Variants in FCGR2B observed in about 807,000 individuals in gnomAD.
FCGR2B encodes the protein Fc gamma receptor IIb, also known as low affinity immunoglobulin gamma Fc region receptor II-b.
In FCGR2B, 18 loss-of-function variants were observed where a neutral mutation model predicts 24.8. That is an observed-to-expected ratio of 0.73 (90% CI 0.50 to 1.08). The LOEUF is 1.08. Ranked by LOEUF, FCGR2B falls within the 50% of genes least tolerant of loss-of-function variation. The pLI is 0.00. For missense variants in FCGR2B, 215 were observed against 297.6 expected (o/e 0.72, Z 2.04); for synonymous variants, 79 against 109.8 (o/e 0.72, Z 1.75).
intron 3 of FCGR2B, 112 bp downstream of exon 3, chr1:161,671,761 C>T: frequency 1.3e-6 from 2 of 1,561,438 alleles, no homozygotes; most frequent in South Asian, 2.4e-5. Flanking sequence ...GGAAGTATCG[C>T]TGTGAGTTGC....
intron 7 of FCGR2B, 21 bp from the exon 8 acceptor site, chr1:161,677,455 G>A (rs2102683040): frequency 2.5e-6 from 4 of 1,612,512 alleles, no homozygotes; most frequent in Non-Finnish European, 3.4e-6. Context: ...GATCCTTACT[G>A]CTGGTTTCTG....
intron 6 of FCGR2B, chr1:161,676,046 A>T (rs1682099738): frequency 4.3e-6 from 1 of 231,560 alleles, no homozygotes; most frequent in Non-Finnish European, 8.5e-6. Flanking sequence ...TAGATTTGAC[A>T]TTCTGAGAAC....
At chr1:161,674,250 C>T (rs1364304958) in intron 5 of FCGR2B, 177 bp downstream of exon 5, 1 of 217,302 alleles carries the variant, frequency 4.6e-6, no homozygotes, top group Non-Finnish European at 8.8e-6. Context: ...CTTGAACAAA[C>T]TAGCTTATGT....
Position 161,667,507 on chromosome 1 carries a change from A to G in FCGR2B, c.113-2745A>G, listed in dbSNP as rs1268237808. On this transcript the variant is annotated intron_variant, in intron 1 of 7. Transcript: ENST00000358671. Reference sequence around the variant, plus strand: ...AGGTGCATTTGGTAGAGACAGAGAAAGGCAACGAAGTTAAGGGGATTTGCA... The same window carrying G: ...AGGTGCATTTGGTAGAGACAGAGAAGGGCAACGAAGTTAAGGGGATTTGCA... Among the ~76,000 whole-genome samples the G allele has an allele frequency of 1.9e-5, 2 of 106,882 alleles. 1 individual carries two copies. Among genetic ancestry groups the G allele is most frequent in the Non-Finnish European group, 4.1e-5 (2 of 49,032 alleles). 70.1% of individuals were successfully genotyped at this position (106,882 alleles called of 152,430 possible).
At chr1:161,654,091 C>G in the FCGR2B span, among the ~76,000 whole-genome samples, 2 of 137,202 alleles carry the variant, frequency 1.5e-5, 1 homozygote. Flanking sequence ...GCTGCTTGCT[C>G]TCTTCACATG....
the FCGR2B span, among the ~76,000 whole-genome samples, chr1:161,656,271 T>C: frequency 1.4e-5 from 2 of 143,940 alleles, no homozygotes; most frequent in South Asian, 2.3e-4. Flanking sequence ...GTAATGAGGG[T>C]TCCTCAGGAC....
chr1:161,673,335 TG>T (rs1363877578), intron 4 of FCGR2B, 106 bp downstream of exon 4: 1 of 1,598,308 alleles, frequency 6.3e-7, no homozygotes, highest in Non-Finnish European at 8.6e-7. Flanking sequence ...AGCGCAAAAT[TG>T]GGCACTGGAG....
chr1:161,671,663 G>A lies in FCGR2B; in HGVS notation c.391+14G>A, dbSNP rs1397802686. The A allele has an allele frequency of 6.2e-7, 1 of 1,612,632 alleles. No individual in the cohort carries two copies. Among genetic ancestry groups the A allele is most frequent in the South Asian group, 1.1e-5 (1 of 91,072 alleles). ...CTGTGCTTTCTGGTCAGTGGAGGAA[G>A]GCCCCAGGGTGGACCTGGGAGGGCC... On this transcript the variant is annotated intron_variant, in intron 3 of 7. Transcript: ENST00000358671.
At chr1:161,655,143 CACTG>C in the FCGR2B span, among the ~76,000 whole-genome samples, 3 of 150,712 alleles carry the variant, frequency 2.0e-5, no homozygotes, top group Admixed American at 2.0e-4. Flanking sequence ...TTGAGGTCGG[CACTG>C]ACTGTGTCCT....
chr1:161,661,368 A>C (rs1317277699), upstream of FCGR2B, among the ~76,000 whole-genome samples: 1 of 129,752 alleles, frequency 7.7e-6, no homozygotes, highest in Non-Finnish European at 1.6e-5. Context: ...TACCGAGAGC[A>C]AGACAGCACA....
At chr1:161,677,006 C>T (rs1162253410) in intron 6 of FCGR2B, 1 of 431,540 alleles carries the variant, frequency 2.3e-6, no homozygotes, top group Non-Finnish European at 4.1e-6. Flanking sequence ...CACCCCCCTC[C>T]CCCACCTCTT....
chr1:161,652,899 C>T, the FCGR2B span, among the ~76,000 whole-genome samples: 5 of 134,188 alleles, frequency 3.7e-5, 1 homozygote, highest in Admixed American at 4.1e-4. Flanking sequence ...TTTCAGTAGA[C>T]CAAGAGACAC....
At chr1:161,663,802 T>C (rs10799884) in intron 1 of FCGR2B, among the ~76,000 whole-genome samples, 23,341 of 141,642 alleles carry the variant, frequency 0.16, 2 homozygotes, top group Non-Finnish European at 0.23. Context: ...GGCCATTCTC[T>C]GTGCCCCTGA....
chr1:161,652,299 C>T, the FCGR2B span, among the ~76,000 whole-genome samples: 2 of 132,062 alleles, frequency 1.5e-5, no homozygotes, highest in Admixed American at 8.4e-5. Context: ...TTTTTTTTTA[C>T]TCCTTGAATT....
chr1:161,652,762 C>T, the FCGR2B span, among the ~76,000 whole-genome samples: 21 of 134,784 alleles, frequency 1.6e-4, 1 homozygote, highest in African/African-American at 5.3e-4. Flanking sequence ...ATGAGCACCC[C>T]TCTTATTCTG....
Position 161,678,133 on chromosome 1 carries a change from G to A in FCGR2B, c.*580G>A, listed in dbSNP as rs1019500965. 5 of 221,700 alleles carry A rather than the reference G, an allele frequency of 2.3e-5. No homozygotes were observed. Among genetic ancestry groups the A allele is most frequent in the Non-Finnish European group, 4.5e-5 (5 of 110,954 alleles). The allele number at this position is 221,700 out of a possible 1,614,324, so 13.7% of individuals were successfully genotyped here. ...CTGGGGTCTGTTTCTCTTCAGTGAT[G>A]AGACTCTTAGGAAGGCAGGAATGGA... On this transcript the variant is annotated 3_prime_UTR_variant, in exon 8 of 8. Transcript: ENST00000358671.
At chr1:161,652,525 G>C in the FCGR2B span, among the ~76,000 whole-genome samples, 17 of 134,324 alleles carry the variant, frequency 1.3e-4, 4 homozygotes, top group Non-Finnish European at 2.7e-4. Context: ...TTTTCCACTA[G>C]AGCCTTTAAC....
At chr1:161,661,244 A>AAGAAAGAAAGAC (rs1557895189), upstream of FCGR2B, among the ~76,000 whole-genome samples, 111 of 57,646 alleles carry the variant, frequency 1.9e-3, 1 homozygote, top group African/African-American at 6.0e-3. Flanking sequence ...GAAAGAAAGA[A>AAGAAAGAAAGAC]AGAAAGAAAG....
In FCGR2B at chr1:161,671,378, T is replaced by C; in HGVS notation, c.134-14T>C. ...TTCCTCTTCTTCATGCTACCTCCTC[T>C]CTCTGCCCCTCAGCAGCTCCCCCAA... On this transcript the variant is annotated splice_polypyrimidine_tract_variant and intron_variant, in intron 2 of 7. Transcript: ENST00000358671. The C allele has an allele frequency of 6.2e-7, 1 of 1,614,098 alleles. No individual in the cohort carries two copies. Among genetic ancestry groups the C allele is most frequent in the East Asian group, 2.2e-5 (1 of 44,878 alleles).
Sources: allele counts gnomAD v4.1 joint callset (sites outside exome capture counted in the v4.1 genomes callset), GRCh38; gene constraint gnomAD v4.1.1; transcripts MANE v1.5; gene names NCBI Gene and HGNC (gene_info 2026-07-23, HGNC 2026-07-21).